Variants in ATP10B observed in about 807,000 individuals in gnomAD.
The protein encoded by ATP10B is phospholipid-transporting ATPase VB.
A neutral mutation model predicts 141.2 loss-of-function variants in ATP10B; 122 were observed. The ratio of observed to expected loss-of-function variants is 0.86; its 90% confidence interval spans 0.75 to 1.00. ATP10B has a LOEUF of 1.00. Among genes scored for constraint, ATP10B ranks in the 50% least tolerant of loss-of-function variants. The probability of loss-of-function intolerance (pLI) is 0.00; values close to 1 mark genes in which losing one functional copy is unlikely to be tolerated. For missense variants in ATP10B, 1,876 were observed against 1,825.3 expected (o/e 1.03, Z -0.51); for synonymous variants, 685 against 692.0 (o/e 0.99, Z 0.16).
At position 160,634,350 on chromosome 5, in the gene ATP10B, A is replaced by G. The variant is rs575139622; in HGVS notation, c.1381+4T>C. On this transcript the variant is annotated splice_donor_region_variant and intron_variant, in intron 12 of 25. Coordinates refer to ENST00000327245, the MANE Select transcript of ATP10B (RefSeq NM_025153.3). ...AGGGATGGAGCCCTTGGGAGCTTCTATACCATTTTCTTGGTGAGAATACTC... is the reference window on the plus strand; with the variant it reads ...AGGGATGGAGCCCTTGGGAGCTTCTGTACCATTTTCTTGGTGAGAATACTC... 4 of 1,614,146 alleles carry G rather than the reference A, an allele frequency of 2.5e-6. No homozygotes were observed. In the African/African-American group the frequency reaches 5.3e-5, roughly 22 times the overall value.
At chr5:160,750,152 G>T (rs1315821490) in intron 2 of ATP10B, among the ~76,000 whole-genome samples, 1 of 152,192 alleles carries the variant, frequency 6.6e-6, no homozygotes, top group Non-Finnish European at 1.5e-5. Context: ...CCATATTGGG[G>T]TCTACATGAA....
the ATP10B span, among the ~76,000 whole-genome samples, chr5:160,923,759 C>A: frequency 1.3e-5 from 2 of 152,210 alleles, no homozygotes; most frequent in Admixed American, 1.3e-4. Flanking sequence ...ACAGGATACA[C>A]AAGCTAGTCC....
chr5:160,644,486 TG>T (rs1760131789), intron 8 of ATP10B, among the ~76,000 whole-genome samples: 1 of 152,098 alleles, frequency 6.6e-6, no homozygotes. Context: ...CTGAGAAAAT[TG>T]TCCCATTTAC....
At chr5:160,682,957 TGAAC>T (rs1763509648) in intron 6 of ATP10B, among the ~76,000 whole-genome samples, 1 of 135,498 alleles carries the variant, frequency 7.4e-6, no homozygotes, top group African/African-American at 2.8e-5. Flanking sequence ...GAGAATGGCA[TGAAC>T]CCGGGAGGTG....
intron 1 of ATP10B, among the ~76,000 whole-genome samples, chr5:160,835,689 C>T (rs565869145): frequency 9.2e-4 from 140 of 152,220 alleles, no homozygotes; most frequent in Non-Finnish European, 1.8e-3. Context: ...GCAGCTGTTG[C>T]TTATACTGTA....
chr5:160,915,803 G>A, the ATP10B span, among the ~76,000 whole-genome samples: 7 of 152,120 alleles, frequency 4.6e-5, no homozygotes, highest in South Asian at 4.2e-4. Flanking sequence ...ACAGACATTC[G>A]TCCCACACAC....
At chr5:160,829,294 T>C (rs1774888841) in intron 1 of ATP10B, among the ~76,000 whole-genome samples, 1 of 152,146 alleles carries the variant, frequency 6.6e-6, no homozygotes, top group Admixed American at 6.6e-5. Flanking sequence ...CTGGTTTTTC[T>C]GTTCTGTTTG....
At position 160,785,752 on chromosome 5, in the gene ATP10B, T is replaced by G. The variant is rs1290119015; in HGVS notation, c.-524A>C. ...ACTACTTACTCTTCACACTGTTGCTTTCATTGAAACAAATGTCACCAGTCG... is the reference window on the plus strand; with the variant it reads ...ACTACTTACTCTTCACACTGTTGCTGTCATTGAAACAAATGTCACCAGTCG... On this transcript the variant is annotated 5_prime_UTR_variant, in exon 2 of 26. Transcript: ENST00000327245. 8.6e-7 allele frequency: 1 copy of G among 1,165,124 alleles called. No individual in the cohort carries two copies. Among genetic ancestry groups the G allele is most frequent in the Non-Finnish European group, 1.1e-6 (1 of 898,474 alleles). The allele number at this position is 1,165,124 out of a possible 1,614,324, so 72.2% of individuals were successfully genotyped here.
chr5:160,565,489 G>T lies in ATP10B; in HGVS notation c.4350C>A (p.Ser1450Arg). The change falls in exon 26 of 26, where the codon AGC (serine) becomes AGA (arginine). Residue 1450 changes from serine to arginine, a missense_variant. Coordinates refer to ENST00000327245, the MANE Select transcript of ATP10B (RefSeq NM_025153.3). ...QTDMCRCSKR[S>R]SHRRSQSSLT... Reference sequence around the variant, plus strand: ...GTGAACTCTGGGATCGGCGATGGCTGCTCCTCTTTGAGCACCGGCACATAT... The same window carrying T: ...GTGAACTCTGGGATCGGCGATGGCTTCTCCTCTTTGAGCACCGGCACATAT... The T allele has an allele frequency of 6.2e-7, 1 of 1,614,120 alleles. No homozygotes were observed. The highest frequency in any genetic ancestry group is 8.5e-7 in the Non-Finnish European group (1 of 1,179,958).
At chr5:160,701,789 G>A (rs1266616673) in intron 3 of ATP10B, among the ~76,000 whole-genome samples, 2 of 151,262 alleles carry the variant, frequency 1.3e-5, no homozygotes, top group Non-Finnish European at 3.0e-5. Flanking sequence ...ATGCCTCCTG[G>A]GAAGTCACCC....
chr5:160,899,740 A>C, the ATP10B span, among the ~76,000 whole-genome samples: 2,311 of 152,276 alleles, frequency 0.015, 58 homozygotes, highest in African/African-American at 0.053. Context: ...AACTAAACAA[A>C]ATTAGATGAC....
intron 2 of ATP10B, among the ~76,000 whole-genome samples, chr5:160,745,728 C>T (rs1767767854): frequency 6.6e-6 from 1 of 152,222 alleles, no homozygotes. Context: ...CCTTGGCAAG[C>T]TATGGAATAT....
chr5:160,776,327 T>C (rs1234827963), intron 2 of ATP10B, among the ~76,000 whole-genome samples: 1 of 152,226 alleles, frequency 6.6e-6, no homozygotes, highest in African/African-American at 2.4e-5. Flanking sequence ...TTTACCTTCT[T>C]GGATTCTGAG....
At chr5:160,597,687 AC>A (rs1274551772) in intron 22 of ATP10B, among the ~76,000 whole-genome samples, 2 of 152,172 alleles carry the variant, frequency 1.3e-5, no homozygotes, top group Non-Finnish European at 2.9e-5. Context: ...ATGAACTCAA[AC>A]AAATTTACAA....
rs1323367442 is a variant in ATP10B, at chr5:160,602,721, C to T, written c.3238-19G>A. The T allele has an allele frequency of 6.2e-7, 1 of 1,613,396 alleles. No homozygotes were observed. Among genetic ancestry groups the T allele is most frequent in the East Asian group, 2.2e-5 (1 of 44,842 alleles). The stretch of plus-strand genomic sequence containing the variant: ...TGACAGCCTGAGAGGTGAGAACAGA[C>T]ACATCAGCTTCCATCCATGGCTGCC... On this transcript the variant is annotated intron_variant, in intron 20 of 25. Coordinates refer to ENST00000327245, the MANE Select transcript of ATP10B (RefSeq NM_025153.3).
At chr5:160,864,739 T>G in the ATP10B span, among the ~76,000 whole-genome samples, 1 of 151,968 alleles carries the variant, frequency 6.6e-6, no homozygotes, top group African/African-American at 2.4e-5. Context: ...GGATACAAAA[T>G]CAGTTTACAC....
rs939695654 is a variant in ATP10B at position 160,563,672 on chromosome 5, T to C, written c.*1781A>G. 2.6e-5 allele frequency: 4 copies of C among 152,198 alleles called. No individual in the cohort carries two copies. The highest frequency in any genetic ancestry group is 9.6e-5 in the African/African-American group (4 of 41,466). The allele number at this position is 152,198 out of a possible 1,614,324, so 9.4% of individuals were successfully genotyped here. A position where few individuals can be genotyped will look rare whatever the true frequency, so the allele number is the denominator to read the frequency against. On this transcript the variant is annotated 3_prime_UTR_variant, in exon 26 of 26. Transcript: ENST00000327245. ...GTGTGGCATTCTGCTTCAAGCCACC[T>C]GCATCCTAGAGAGCAAGGATTCAAA...
the ATP10B span, among the ~76,000 whole-genome samples, chr5:160,893,440 A>G: frequency 6.6e-6 from 1 of 152,148 alleles, no homozygotes; most frequent in Admixed American, 6.5e-5. Context: ...GGAAGTTTGA[A>G]CTGGGGAGAA....
chr5:160,692,901 T>A (rs970104028), intron 3 of ATP10B: 2 of 152,230 alleles, frequency 1.3e-5, no homozygotes, highest in Non-Finnish European at 2.9e-5. Context: ...CTTGACATCT[T>A]GGCATATTGA....
Sources: gnomAD v4.1 joint callset for allele counts (sites outside exome capture counted in the v4.1 genomes callset) on GRCh38, gnomAD v4.1.1 for gene constraint, MANE v1.5 for transcripts, NCBI Gene and HGNC (gene_info 2026-07-23, HGNC 2026-07-21) for gene names.